Variants in GPM6B observed in about 807,000 individuals in gnomAD.
The protein encoded by GPM6B is glycoprotein M6B.
In GPM6B, 4 loss-of-function variants were observed where a neutral mutation model predicts 27.2. The ratio of observed to expected loss-of-function variants is 0.15; its 90% CI spans 0.07 to 0.34. The LOEUF (loss-of-function observed/expected upper bound fraction) is 0.34. Ranked by LOEUF, GPM6B falls within the 10% of genes least tolerant of loss-of-function variation. GPM6B has a pLI of 1.00. For synonymous variants in GPM6B, 124 were observed against 103.1 expected, an observed-to-expected ratio of 1.20 and a Z score of -1.23; for missense variants, 183 against 261.9, an observed-to-expected ratio of 0.70 and a Z score of 2.08.
intron 1 of GPM6B, among the ~76,000 whole-genome samples, chrX:13,931,358 G>GCAC (rs1921531839): frequency 1.8e-5 from 2 of 109,061 alleles, no homozygotes; most frequent in African/African-American, 6.7e-5. Flanking sequence ...CATGGTGGTG[G>GCAC]GCGCCTGTAG....
intron 1 of GPM6B, among the ~76,000 whole-genome samples, chrX:13,878,196 G>A (rs1435937989): frequency 1.8e-5 from 2 of 108,285 alleles, no homozygotes; most frequent in African/African-American, 3.3e-5. Context: ...AAACTCTTAC[G>A]AATATTCTAT....
intron 1 of GPM6B, among the ~76,000 whole-genome samples, chrX:13,816,219 A>C (rs764290195): frequency 1.8e-5 from 2 of 111,097 alleles, no homozygotes; most frequent in Non-Finnish European, 3.8e-5. Context: ...GACCTTTATC[A>C]ATTTTCTTCC....
chrX:13,849,694 T>C (rs1713414045), intron 1 of GPM6B, among the ~76,000 whole-genome samples: 1 of 110,763 alleles, frequency 9.0e-6, no homozygotes, highest in Non-Finnish European at 1.9e-5. Flanking sequence ...AAAAAGGGAA[T>C]AGAAACAGAA....
At chrX:13,787,519 G>GA (rs1403798421) in intron 2 of GPM6B, among the ~76,000 whole-genome samples, 1 of 111,609 alleles carries the variant, frequency 9.0e-6, no homozygotes, top group African/African-American at 3.3e-5. Flanking sequence ...TTGCGCCACT[G>GA]AACTTCCAGC....
chrX:13,829,996 A>G (rs757475422), intron 1 of GPM6B, among the ~76,000 whole-genome samples: 1 of 110,483 alleles, frequency 9.1e-6, no homozygotes, highest in African/African-American at 3.3e-5. Flanking sequence ...GCTTGGTTTA[A>G]TACTCTGATG....
Position 13,813,441 on chromosome X carries a change from G to T in GPM6B, c.61+3403C>A, listed in dbSNP as rs372866961. Among the ~76,000 whole-genome samples the T allele has an allele frequency of 2.7e-5, 3 of 111,393 alleles. No homozygotes were observed. The East Asian group carries it at 8.4e-4, about 31-fold the overall frequency. On this transcript the variant is annotated intron_variant, in intron 1 of 7. Coordinates refer to ENST00000316715, the MANE Select transcript of GPM6B (RefSeq NM_001001995.3). ...ATTCACTATATTTTTCTTCCTGTGT[G>T]GTTAGGAATTTAATTTGATGCCTGT...
intron 5 of GPM6B, among the ~76,000 whole-genome samples, chrX:13,778,417 T>C (rs368566670): frequency 1.8e-4 from 20 of 112,443 alleles, no homozygotes; most frequent in African/African-American, 6.1e-4. Flanking sequence ...GAGTCTATGA[T>C]TTCTCTCTCA....
At position 13,890,569 on chromosome X, in the gene GPM6B, C is replaced by A. The variant is rs745754469; in HGVS notation, c.-198+47758G>T. 8.1e-5 allele frequency among the ~76,000 whole-genome samples: 9 copies of A among 111,448 alleles called. No homozygotes were observed. In the South Asian group the frequency reaches 3.1e-3, roughly 38 times the overall value. ...AAGAAGGAAGTGTTGAACTTCCCAGCCTTTTGAGGGCAGGAGTGAGGTAAG... is the reference window on the plus strand; with the variant it reads ...AAGAAGGAAGTGTTGAACTTCCCAGACTTTTGAGGGCAGGAGTGAGGTAAG... On this transcript the variant is annotated intron_variant, in intron 1 of 6. Coordinates refer to the GPM6B transcript ENST00000398361.
At chrX:13,797,669 C>A (rs2048841971) in intron 2 of GPM6B, among the ~76,000 whole-genome samples, 1 of 111,003 alleles carries the variant, frequency 9.0e-6, no homozygotes. Flanking sequence ...TCAGGATGTG[C>A]TTTTAAGAGA....
chrX:13,937,602 G>T (rs1007724385), intron 1 of GPM6B, among the ~76,000 whole-genome samples: 5 of 111,658 alleles, frequency 4.5e-5, no homozygotes, highest in African/African-American at 1.6e-4. Flanking sequence ...CCCAAGCACA[G>T]CTGTCACACG....
intron 2 of GPM6B, among the ~76,000 whole-genome samples, chrX:13,790,484 G>C (rs2048693441): frequency 8.9e-6 from 1 of 111,881 alleles, no homozygotes; most frequent in African/African-American, 3.3e-5. Context: ...GGGGTGATTT[G>C]TGTGCACATG....
chrX:13,892,044 C>G (rs1339716665), intron 1 of GPM6B, among the ~76,000 whole-genome samples: 1 of 111,522 alleles, frequency 9.0e-6, no homozygotes, highest in Non-Finnish European at 1.9e-5. Flanking sequence ...CTGGGCTCGG[C>G]TCTAGACCTG....
intron 1 of GPM6B, among the ~76,000 whole-genome samples, chrX:13,931,442 C>T (rs1256943856): frequency 9.3e-6 from 1 of 108,093 alleles, no homozygotes; most frequent in African/African-American, 3.4e-5. Flanking sequence ...GAGCCGAGAT[C>T]GCACCACTGC....
At chrX:13,821,852 C>T (rs1482807624), upstream of GPM6B, among the ~76,000 whole-genome samples, 1 of 111,823 alleles carries the variant, frequency 8.9e-6, no homozygotes. Context: ...GCCTCAGCCT[C>T]CCAAAGTGCT....
chrX:13,784,802 A>G (rs991400591), intron 3 of GPM6B, among the ~76,000 whole-genome samples: 2 of 111,628 alleles, frequency 1.8e-5, no homozygotes, highest in Admixed American at 9.4e-5. Flanking sequence ...CTCTTCTGCA[A>G]TGGAGGATGC....
At position 13,859,249 on chromosome X, in the gene GPM6B, C is replaced by G. The variant is rs144713477; in HGVS notation, c.-197-73441G>C. Among the ~76,000 whole-genome samples, 36 of 111,973 alleles carry G rather than the reference C, an allele frequency of 3.2e-4. 1 individual carries two copies. The East Asian group carries it at 8.6e-3, about 27-fold the overall frequency. On this transcript the variant is annotated intron_variant, in intron 1 of 6. Coordinates refer to the GPM6B transcript ENST00000398361. The stretch of plus-strand genomic sequence containing the variant: ...TACCTTTCTGCAGCTGATCTCCTTC[C>G]CCAACCTCTGGCAACCACTGATCTA...
At chrX:13,773,310 C>CT (rs11305581) in intron 7 of GPM6B, 3,642 of 132,163 alleles carry the variant, frequency 0.028, 32 homozygotes, top group Non-Finnish European at 0.039. Flanking sequence ...CGAGAGGGTG[C>CT]TTTTTTTTTT....
At position 13,799,230 on chromosome X, in the gene GPM6B, T is replaced by G. The variant is rs1446461664; in HGVS notation, c.181+8420A>C. Among the ~76,000 whole-genome samples the G allele has an allele frequency of 3.6e-3, 183 of 51,423 alleles. 2 individuals carry two copies. Among genetic ancestry groups the G allele is most frequent in the African/African-American group, 0.014 (166 of 12,281 alleles). 44.7% of individuals were successfully genotyped at this position (51,423 alleles called of 115,157 possible). On this transcript the variant is annotated intron_variant, in intron 2 of 7. Transcript: ENST00000316715. ...TTTTTTTTTTTTTTTTTTTTTTTTT[T>G]GACACAGAGCCTTGCTCTGTTGTCC...
intron 1 of GPM6B, among the ~76,000 whole-genome samples, chrX:13,861,306 T>C (rs955057996): frequency 1.5e-4 from 17 of 110,632 alleles, no homozygotes; most frequent in Admixed American, 5.8e-4. Context: ...ATGATTTTTT[T>C]TCCCCCTGGG....
Sources: gnomAD v4.1 joint callset for allele counts (sites outside exome capture counted in the v4.1 genomes callset) on GRCh38, gnomAD v4.1.1 for gene constraint, MANE v1.5 for transcripts, NCBI Gene and HGNC (gene_info 2026-07-23, HGNC 2026-07-21) for gene names.